The following ADCY2 variants were observed in gnomAD, a reference collection of about 807,000 sequenced individuals.
ADCY2 encodes adenylate cyclase 2.
Under a neutral mutation model 125.2 loss-of-function variants are expected in ADCY2, and 31 were observed. The ratio of observed to expected loss-of-function variants is 0.25; its 90% CI spans 0.19 to 0.33. ADCY2 has a LOEUF of 0.33. Among genes scored for constraint, ADCY2 ranks in the 10% least tolerant of loss-of-function variants. The pLI is 1.00. For synonymous variants in ADCY2, 512 were observed against 548.4 expected (o/e 0.93, Z 0.93); for missense variants, 904 against 1,418.2 (o/e 0.64, Z 5.82).
chr5:7,442,797 A>T (rs6881726), intron 2 of ADCY2, among the ~76,000 whole-genome samples: 4 of 152,128 alleles, frequency 2.6e-5, no homozygotes. Context: ...AACAACTGCT[A>T]ATTTTCAGAG....
At chr5:7,698,494 A>G (rs767462644) in intron 7 of ADCY2, 120 bp downstream of exon 7, 2 of 1,027,926 alleles carry the variant, frequency 1.9e-6, no homozygotes, top group Non-Finnish European at 3.0e-6. Context: ...GCACCCATCA[A>G]CTCATCATTT....
chr5:7,581,584 C>T (rs1736434724), intron 3 of ADCY2, among the ~76,000 whole-genome samples: 1 of 151,876 alleles, frequency 6.6e-6, no homozygotes, highest in Non-Finnish European at 1.5e-5. Flanking sequence ...CTTTGGGGGG[C>T]CGAAGTGGGC....
intron 3 of ADCY2, among the ~76,000 whole-genome samples, chr5:7,543,548 T>C (rs898211303): frequency 6.6e-6 from 1 of 152,138 alleles, no homozygotes; most frequent in African/African-American, 2.4e-5. Flanking sequence ...AGTTAGTGAG[T>C]CCCTTCACAC....
intron 6 of ADCY2, among the ~76,000 whole-genome samples, chr5:7,696,306 A>G (rs527347977): frequency 3.3e-5 from 5 of 152,214 alleles, no homozygotes; most frequent in African/African-American, 4.8e-5. Context: ...AATAGAATGC[A>G]TATCTTCCAT....
chr5:7,612,893 G>A (rs185607444), intron 3 of ADCY2, among the ~76,000 whole-genome samples: 2 of 152,262 alleles, frequency 1.3e-5, no homozygotes, highest in Admixed American at 6.5e-5. Context: ...GCGGGCGCCT[G>A]TAGCCCCAGC....
In ADCY2 at chr5:7,695,735, CT is replaced by C; in HGVS notation, c.870-16del. On this transcript the variant is annotated splice_polypyrimidine_tract_variant and intron_variant, in intron 5 of 24. Coordinates refer to ENST00000338316, the MANE Select transcript of ADCY2 (RefSeq NM_020546.3). Reference sequence around the variant, plus strand: ...AAACTGGAAAACTCTGTCTCCTCACCTCCTTTCTTCCCACAGCATCTTATAC... The same window carrying C: ...AAACTGGAAAACTCTGTCTCCTCACCCCTTTCTTCCCACAGCATCTTATAC... 6.5e-7 allele frequency: 1 copy of C among 1,544,940 alleles called. No individual in the cohort carries two copies. Among genetic ancestry groups the C allele is most frequent in the Non-Finnish European group, 8.8e-7 (1 of 1,130,938 alleles).
intron 3 of ADCY2, among the ~76,000 whole-genome samples, chr5:7,575,705 T>C (rs4428380): frequency 0.081 from 12,356 of 152,244 alleles, 722 homozygotes; most frequent in Non-Finnish European, 0.12. Context: ...ACCTTACATA[T>C]CCAATTATGG....
chr5:7,481,453 G>C (rs1387504696), intron 2 of ADCY2, among the ~76,000 whole-genome samples: 1 of 151,442 alleles, frequency 6.6e-6, no homozygotes, highest in East Asian at 1.9e-4. Flanking sequence ...TTTTTTAGTA[G>C]AGACGGGGTT....
chr5:7,626,529 T>C (rs891918203), intron 4 of ADCY2, among the ~76,000 whole-genome samples: 1 of 152,180 alleles, frequency 6.6e-6, no homozygotes, highest in African/African-American at 2.4e-5. Context: ...AAGAGGTTTA[T>C]TAGTCTCATG....
At chr5:7,401,180 C>T (rs1329501902) in intron 1 of ADCY2, among the ~76,000 whole-genome samples, 1 of 152,198 alleles carries the variant, frequency 6.6e-6, no homozygotes, top group African/African-American at 2.4e-5. Context: ...CAATGCCTGG[C>T]ATAAAGTAAG....
intron 3 of ADCY2, among the ~76,000 whole-genome samples, chr5:7,530,987 T>C (rs575847787): frequency 6.6e-6 from 1 of 152,254 alleles, no homozygotes; most frequent in South Asian, 2.1e-4. Context: ...CCCTCAGTCA[T>C]GGCTGAACTT....
intron 2 of ADCY2, among the ~76,000 whole-genome samples, chr5:7,416,096 A>G (rs1739934197): frequency 1.3e-5 from 2 of 152,198 alleles, no homozygotes; most frequent in South Asian, 4.1e-4. Context: ...CTCAAAAGCC[A>G]TGTCAAGGGA....
At chr5:7,599,922 A>G (rs547722386) in intron 3 of ADCY2, among the ~76,000 whole-genome samples, 47 of 152,342 alleles carry the variant, frequency 3.1e-4, no homozygotes, top group Admixed American at 5.2e-4. Flanking sequence ...CATTGACTTC[A>G]TCGTGCATAT....
At chr5:7,629,887 G>A (rs1480774882) in intron 4 of ADCY2, among the ~76,000 whole-genome samples, 2 of 152,204 alleles carry the variant, frequency 1.3e-5, no homozygotes, top group Admixed American at 6.5e-5. Flanking sequence ...TGCCTAGGCA[G>A]TTGAAATAAA....
intron 11 of ADCY2, among the ~76,000 whole-genome samples, chr5:7,715,554 CTTT>C (rs11310324): frequency 6.9e-6 from 1 of 145,072 alleles, no homozygotes; most frequent in South Asian, 2.2e-4. Context: ...GGATTCCTTG[CTTT>C]TTTTTTTTTT....
chr5:7,436,882 A>C (rs186722080), intron 2 of ADCY2, among the ~76,000 whole-genome samples: 1 of 152,260 alleles, frequency 6.6e-6, no homozygotes, highest in East Asian at 1.9e-4. Context: ...GAATCTTTTG[A>C]TGTCAGGCCA....
chr5:7,622,298 G>A (rs1400562320), intron 3 of ADCY2, among the ~76,000 whole-genome samples: 1 of 152,146 alleles, frequency 6.6e-6, no homozygotes, highest in African/African-American at 2.4e-5. Flanking sequence ...GACATCAATT[G>A]TATTTGTAAA....
intron 4 of ADCY2, among the ~76,000 whole-genome samples, chr5:7,652,018 G>T (rs746594016): frequency 3.9e-5 from 6 of 152,062 alleles, no homozygotes; most frequent in Non-Finnish European, 8.8e-5. Flanking sequence ...TGACCAGGAT[G>T]GCCTCTATTT....
chr5:7,559,166 G>C (rs1005521137), intron 3 of ADCY2, among the ~76,000 whole-genome samples: 4 of 151,996 alleles, frequency 2.6e-5, no homozygotes, highest in African/African-American at 7.2e-5. Context: ...GGGCTCTTTT[G>C]GGGTTTAATA....
Sources: allele counts gnomAD v4.1 joint callset (sites outside exome capture counted in the v4.1 genomes callset), GRCh38; gene constraint gnomAD v4.1.1; transcripts MANE v1.5; gene names NCBI Gene and HGNC (gene_info 2026-07-23, HGNC 2026-07-21).